Variants in ZFHX3 observed in about 807,000 individuals in gnomAD.
ZFHX3 encodes zinc finger homeobox protein 3.
A neutral mutation model predicts 279.1 loss-of-function variants in ZFHX3; 42 were observed. The observed-to-expected ratio is 0.15, with a 90% CI of 0.12 to 0.19. The LOEUF is 0.19. ZFHX3 is among the 10% of genes least tolerant of loss of function. The pLI is 1.00. For missense variants in ZFHX3, 4,981 were observed against 4,754.0 expected, an observed-to-expected ratio of 1.05 and a Z score of -1.40; for synonymous variants, 2,293 against 1,957.8, an observed-to-expected ratio of 1.17 and a Z score of -4.52.
At chr16:73,163,496 C>A (rs1209181669) in intron 5 of ZFHX3, among the ~76,000 whole-genome samples, 1 of 152,198 alleles carries the variant, frequency 6.6e-6, no homozygotes, top group East Asian at 1.9e-4. Context: ...TGCTTCTGTG[C>A]TACAAAAGCA....
intron 2 of ZFHX3, among the ~76,000 whole-genome samples, chr16:73,604,009 C>T (rs926958120): frequency 6.6e-6 from 1 of 151,934 alleles, no homozygotes; most frequent in African/African-American, 2.4e-5. Context: ...GAACTCCTGA[C>T]CTCAGGTGAT....
At position 73,201,792 on chromosome 16, in the gene ZFHX3, T is replaced by A. The variant is rs144369528; in HGVS notation, c.-1104+55255A>T. 6.3e-3 allele frequency among the ~76,000 whole-genome samples: 961 copies of A among 152,348 alleles called. 12 individuals carry two copies. The highest frequency in any genetic ancestry group is 0.022 in the African/African-American group (921 of 41,580). On this transcript the variant is annotated intron_variant, in intron 5 of 17. Transcript: ENST00000641206. ...GAATTACATGAAATCTCCTTAAGAATAGTCACTGTATTTTCTTAGCATCTG... is the reference window on the plus strand; with the variant it reads ...GAATTACATGAAATCTCCTTAAGAAAAGTCACTGTATTTTCTTAGCATCTG...
intron 2 of ZFHX3, among the ~76,000 whole-genome samples, chr16:73,576,102 T>C (rs540106098): frequency 6.6e-6 from 1 of 152,292 alleles, no homozygotes; most frequent in Admixed American, 6.5e-5. Context: ...CTCACTAAAA[T>C]GAGCATGGCA....
At chr16:73,641,615 G>A (rs1359399368) in intron 2 of ZFHX3, among the ~76,000 whole-genome samples, 1 of 152,020 alleles carries the variant, frequency 6.6e-6, no homozygotes, top group Admixed American at 6.6e-5. Context: ...ATGGGAGGGG[G>A]GACAGAGTTG....
At position 72,866,369 on chromosome 16, in the gene ZFHX3, T is replaced by C. The variant is rs1257788017; in HGVS notation, c.3448+23362A>G. Among the ~76,000 whole-genome samples the C allele has an allele frequency of 4.6e-5, 7 of 152,308 alleles. No homozygotes were observed. In the South Asian group the frequency reaches 1.0e-3, roughly 23 times the overall value. On this transcript the variant is annotated intron_variant, in intron 4 of 9. Coordinates refer to ENST00000268489, the MANE Select transcript of ZFHX3 (RefSeq NM_006885.4). ...GAGGGTGCATTTGCGTCCCCTTTTA[T>C]AGGTAAAAGAATTGAGGCTCAAGAA...
At chr16:72,856,438 C>T (rs2037757612) in intron 4 of ZFHX3, among the ~76,000 whole-genome samples, 1 of 152,216 alleles carries the variant, frequency 6.6e-6, no homozygotes, top group Non-Finnish European at 1.5e-5. Context: ...AGGCCAGGTG[C>T]AGCTAGCTTA....
chr16:73,340,991 T>A (rs933070324), intron 3 of ZFHX3, among the ~76,000 whole-genome samples: 1 of 152,070 alleles, frequency 6.6e-6, no homozygotes, highest in African/African-American at 2.4e-5. Context: ...AGGAGAAAAC[T>A]GTTTGCAATT....
At chr16:73,329,708 G>A (rs1412475862) in intron 3 of ZFHX3, among the ~76,000 whole-genome samples, 2 of 152,182 alleles carry the variant, frequency 1.3e-5, no homozygotes, top group African/African-American at 4.8e-5. Context: ...ATGCATTGGT[G>A]GGAAAGCGGA....
At chr16:73,746,514 T>C (rs528526358) in intron 1 of ZFHX3, among the ~76,000 whole-genome samples, 52 of 152,316 alleles carry the variant, frequency 3.4e-4, no homozygotes, top group African/African-American at 1.2e-3. Flanking sequence ...GGGCCAACAA[T>C]TAGAAAAGTC....
intron 4 of ZFHX3, among the ~76,000 whole-genome samples, chr16:72,866,635 T>G (rs2038030916): frequency 6.6e-6 from 1 of 152,142 alleles, no homozygotes; most frequent in African/African-American, 2.4e-5. Flanking sequence ...CAGTCTTCAC[T>G]GAGTAAGAAA....
chr16:73,859,888 G>A (rs760554829), intron 1 of ZFHX3, among the ~76,000 whole-genome samples: 4 of 152,162 alleles, frequency 2.6e-5, no homozygotes, highest in African/African-American at 4.8e-5. Flanking sequence ...AACATCCGAC[G>A]AAGTAAAAGC....
At chr16:72,809,003 T>A (rs550584355) in intron 7 of ZFHX3, among the ~76,000 whole-genome samples, 1 of 152,200 alleles carries the variant, frequency 6.6e-6, no homozygotes, top group Non-Finnish European at 1.5e-5. Flanking sequence ...CTCTTAGGGA[T>A]TGGCACCCAA....
At chr16:72,931,174 C>G (rs560676490) in intron 3 of ZFHX3, among the ~76,000 whole-genome samples, 2 of 152,232 alleles carry the variant, frequency 1.3e-5, no homozygotes, top group South Asian at 4.1e-4. Context: ...CAAAGAGCTG[C>G]TCTGTTTTTC....
intron 4 of ZFHX3, among the ~76,000 whole-genome samples, chr16:72,878,282 G>T (rs1456791634): frequency 6.6e-6 from 1 of 152,202 alleles, no homozygotes; most frequent in African/African-American, 2.4e-5. Flanking sequence ...ATAAAAACAT[G>T]TGGGCTGGGT....
intron 1 of ZFHX3, among the ~76,000 whole-genome samples, chr16:73,031,379 G>C (rs2144676638): frequency 6.6e-6 from 1 of 152,248 alleles, no homozygotes. Flanking sequence ...AGTGTTTCTA[G>C]CCAGTAACTC....
rs563495154 is a variant in ZFHX3 at position 73,025,400 on chromosome 16, T to G, written c.-50+22352A>C. ...CTGGGAATGGATTTGATGTCAAGTG[T>G]CAGCAAGTAAATTGCTATTGGCTTC... On this transcript the variant is annotated intron_variant, in intron 1 of 9. Transcript: ENST00000268489. Among the ~76,000 whole-genome samples the G allele has an allele frequency of 7.2e-4, 110 of 152,278 alleles. 1 individual carries two copies. In the Middle Eastern group the frequency reaches 0.01, roughly 14 times the overall value.
chr16:73,613,653 C>T (rs756016325), intron 2 of ZFHX3, among the ~76,000 whole-genome samples: 3 of 152,154 alleles, frequency 2.0e-5, no homozygotes, highest in African/African-American at 7.2e-5. Flanking sequence ...CTAAAAATAA[C>T]CTCACAGGGT....
In ZFHX3 at chr16:73,776,342, T is replaced by G. The variant is rs1259869817; in HGVS notation, c.-1607-96102A>C. On this transcript the variant is annotated intron_variant, in intron 1 of 17. Transcript: ENST00000641206. Reference sequence around the variant, plus strand: ...CCCACAACCTCTCCATTTCCGTAATTAATTTCAGACAGCTAAGACGACATG... The same window carrying G: ...CCCACAACCTCTCCATTTCCGTAATGAATTTCAGACAGCTAAGACGACATG... 2.6e-5 allele frequency among the ~76,000 whole-genome samples: 4 copies of G among 152,096 alleles called. 1 individual carries two copies. Among genetic ancestry groups the G allele is most frequent in the Admixed American group, 2.0e-4 (3 of 15,260 alleles).
At chr16:73,803,345 T>C (rs1279635518) in intron 1 of ZFHX3, among the ~76,000 whole-genome samples, 2 of 152,220 alleles carry the variant, frequency 1.3e-5, no homozygotes, top group East Asian at 3.8e-4. Flanking sequence ...CAGTTGTCAT[T>C]GTTGACAAAA....
Sources: allele counts gnomAD v4.1 joint callset (sites outside exome capture counted in the v4.1 genomes callset), GRCh38; gene constraint gnomAD v4.1.1; transcripts MANE v1.5; gene names NCBI Gene and HGNC (gene_info 2026-07-23, HGNC 2026-07-21).